SCAPER: variants seen among roughly 807,000 people sequenced by gnomAD.
The protein encoded by SCAPER is S-phase cyclin A associated protein in the ER, also known as S phase cyclin A-associated protein in the endoplasmic reticulum.
A neutral mutation model predicts 182.2 loss-of-function variants in SCAPER; 98 were observed. That is an observed-to-expected ratio of 0.54 (90% CI 0.46 to 0.64). The LOEUF is 0.64. Among genes scored for constraint, SCAPER ranks in the 30% least tolerant of loss-of-function variants. The probability of loss-of-function intolerance (pLI) is 0.00; values close to 1 mark genes in which losing one functional copy is unlikely to be tolerated. For synonymous variants in SCAPER, 605 were observed against 564.6 expected, an observed-to-expected ratio of 1.07 and a Z score of -1.01; for missense variants, 1,432 against 1,690.0, an observed-to-expected ratio of 0.85 and a Z score of 2.68.
intron 15 of SCAPER, among the ~76,000 whole-genome samples, chr15:76,749,020 A>C (rs898353624): frequency 2.0e-5 from 3 of 152,086 alleles, no homozygotes; most frequent in Non-Finnish European, 4.4e-5. Flanking sequence ...TCACTTTACA[A>C]AGCCAGCATA....
chr15:76,732,732 G>A (rs1165294708), intron 16 of SCAPER, among the ~76,000 whole-genome samples: 3 of 152,208 alleles, frequency 2.0e-5, no homozygotes, highest in Non-Finnish European at 4.4e-5. Flanking sequence ...CTGTGATGCT[G>A]TGCTTCAGTG....
chr15:76,903,071 A>AAG (rs538811932), intron 1 of SCAPER, among the ~76,000 whole-genome samples: 4 of 150,984 alleles, frequency 2.6e-5, no homozygotes, highest in African/African-American at 9.9e-5. Flanking sequence ...AAAAAAAAAA[A>AAG]AAAGAAAGTG....
At chr15:76,543,163 A>G (rs1190344022) in intron 23 of SCAPER, among the ~76,000 whole-genome samples, 5 of 152,210 alleles carry the variant, frequency 3.3e-5, no homozygotes, top group Non-Finnish European at 5.9e-5. Context: ...TTGAGTGTCA[A>G]CAAAGGGGAG....
In SCAPER at chr15:76,857,821, T is replaced by G; in HGVS notation, c.183A>C (p.Lys61Asn). The G allele has an allele frequency of 6.5e-7, 1 of 1,543,214 alleles. No homozygotes were observed. The highest frequency in any genetic ancestry group is 1.4e-5 in the African/African-American group (1 of 73,044). The change falls in exon 4 of 32, where the codon AAA (lysine) becomes AAC (asparagine). Residue 61 changes from lysine to asparagine, a missense_variant. This residue lies in a region of SCAPER where 480 missense variants were observed against 510.2 expected (regional missense o/e 0.94). Coordinates refer to ENST00000563290, the MANE Select transcript of SCAPER (RefSeq NM_020843.4). ...KSKRTIQGTH[K>N]TTKQSTAVDC... is the part of the protein sequence containing the mutation. Reference sequence around the variant, plus strand: ...ATAGATGCTGTACCTGTTTAGTAGTTTTATGAGTGCCTTGAATGGTCCTCT... The same window carrying G: ...ATAGATGCTGTACCTGTTTAGTAGTGTTATGAGTGCCTTGAATGGTCCTCT...
intron 23 of SCAPER, among the ~76,000 whole-genome samples, chr15:76,519,204 C>T (rs1040406026): frequency 5.9e-5 from 9 of 152,296 alleles, no homozygotes; most frequent in East Asian, 1.9e-4. Flanking sequence ...ATTTACACAA[C>T]GCTTTTAATC....
chr15:76,873,733 C>A lies in SCAPER; in HGVS notation c.6+10079G>T, dbSNP rs552414611. 2.6e-5 allele frequency among the ~76,000 whole-genome samples: 4 copies of A among 152,174 alleles called. 1 individual carries two copies. In the South Asian group the frequency reaches 8.3e-4, roughly 32 times the overall value. On this transcript the variant is annotated intron_variant, in intron 2 of 31. Transcript: ENST00000563290. ...GACATATTCAGAACCCAGCAGTCAA[C>A]AATGGCAAAAACACATTTTTTCCAG...
chr15:76,777,108 A>C (rs1443476812), intron 8 of SCAPER, among the ~76,000 whole-genome samples: 2 of 152,150 alleles, frequency 1.3e-5, no homozygotes, highest in Non-Finnish European at 2.9e-5. Flanking sequence ...AATACACACA[A>C]AAAAATATTG....
intron 26 of SCAPER, among the ~76,000 whole-genome samples, chr15:76,417,067 AAAAAAAT>A (rs924476927): frequency 3.3e-5 from 5 of 152,084 alleles, no homozygotes; most frequent in Non-Finnish European, 1.5e-5. Context: ...CCCTGTCTCT[AAAAAAAT>A]AAAAAATAAA....
rs555700968 is a variant in SCAPER at position 76,376,406 on chromosome 15, T to C, written c.3706-95A>G. The stretch of plus-strand genomic sequence containing the variant: ...GACTGGCCCTGTGTACTTTCTGCCA[T>C]GGTGGTGGAAAAACATGACATTTCT... On this transcript the variant is annotated intron_variant, in intron 28 of 31. Coordinates refer to ENST00000563290, the MANE Select transcript of SCAPER (RefSeq NM_020843.4). The C allele has an allele frequency of 1.4e-5, 19 of 1,334,728 alleles. No homozygotes were observed. In the Admixed American group the frequency reaches 4.6e-4, roughly 33 times the overall value. 82.7% of individuals were successfully genotyped at this position (1,334,728 alleles called of 1,614,324 possible).
At chr15:76,682,264 T>TCCCCCCCCC (rs573661987) in intron 20 of SCAPER, among the ~76,000 whole-genome samples, 6 of 130,516 alleles carry the variant, frequency 4.6e-5, no homozygotes, top group African/African-American at 1.2e-4. Context: ...TCACCTCCCT[T>TCCCCCCCCC]CCCCCCCCCA....
chr15:76,382,642 T>C (rs1408481015), intron 27 of SCAPER, among the ~76,000 whole-genome samples: 1 of 152,184 alleles, frequency 6.6e-6, no homozygotes, highest in Non-Finnish European at 1.5e-5. Flanking sequence ...ATAGCCAATA[T>C]GCTTCACATA....
chr15:76,871,308 C>T (rs1021543914), intron 2 of SCAPER, among the ~76,000 whole-genome samples: 10 of 148,688 alleles, frequency 6.7e-5, no homozygotes, highest in Admixed American at 2.0e-4. Context: ...ACTTGGGGGA[C>T]TGAGGCAGGA....
chr15:76,777,106 C>T (rs931007260), intron 8 of SCAPER, among the ~76,000 whole-genome samples: 2 of 151,886 alleles, frequency 1.3e-5, no homozygotes, highest in Non-Finnish European at 2.9e-5. Flanking sequence ...TAAATACACA[C>T]AAAAAAATAT....
At chr15:76,755,642 T>C (rs537758518) in intron 14 of SCAPER, among the ~76,000 whole-genome samples, 183 of 152,252 alleles carry the variant, frequency 1.2e-3, no homozygotes, top group Non-Finnish European at 1.9e-3. Flanking sequence ...CCTTATGTAA[T>C]CTCCTCCCAT....
chr15:76,493,367 C>T (rs1266869443), intron 24 of SCAPER, among the ~76,000 whole-genome samples: 1 of 152,040 alleles, frequency 6.6e-6, no homozygotes, highest in Non-Finnish European at 1.5e-5. Flanking sequence ...AGGGTTTTTA[C>T]TTAATTGGTG....
At chr15:76,613,689 A>C (rs2051199699) in intron 22 of SCAPER, among the ~76,000 whole-genome samples, 1 of 152,260 alleles carries the variant, frequency 6.6e-6, no homozygotes, top group Non-Finnish European at 1.5e-5. Context: ...AGAGAAATGC[A>C]AATCAAAACC....
intron 24 of SCAPER, among the ~76,000 whole-genome samples, chr15:76,495,987 GAGAGAGACACACACAC>G (rs1567270949): frequency 1.2e-4 from 2 of 16,862 alleles, no homozygotes; most frequent in South Asian, 5.0e-3. Context: ...GAAAGCAAAA[GAGAGAGACACACACAC>G]ACACACACAC....
At chr15:76,567,854 C>T (rs1567479971) in intron 23 of SCAPER, among the ~76,000 whole-genome samples, 1 of 151,992 alleles carries the variant, frequency 6.6e-6, no homozygotes, top group Non-Finnish European at 1.5e-5. Context: ...TTTTGATGAA[C>T]AAAAGTTCTT....
At chr15:76,873,331 A>AGGC (rs2072898896) in intron 2 of SCAPER, among the ~76,000 whole-genome samples, 19 of 83,770 alleles carry the variant, frequency 2.3e-4, no homozygotes, top group East Asian at 9.5e-4. Context: ...GGAAGGAAGG[A>AGGC]AGGCAGGCAG....
Sources: gnomAD v4.1 joint callset for allele counts (sites outside exome capture counted in the v4.1 genomes callset) on GRCh38, gnomAD v4.1.1 for gene constraint, gnomAD v4.1.1 regional missense constraint, MANE v1.5 for transcripts, NCBI Gene and HGNC (gene_info 2026-07-23, HGNC 2026-07-21) for gene names.